Variants in CNBD1 observed in about 807,000 individuals in gnomAD.
CNBD1 encodes cyclic nucleotide-binding domain-containing protein 1.
A neutral mutation model predicts 54.4 loss-of-function variants in CNBD1; 71 were observed. The observed-to-expected ratio is 1.30, with a 90% CI of 1.08 to 1.59. The LOEUF (loss-of-function observed/expected upper bound fraction) is 1.59, where lower values mean the gene tolerates loss of function less well. Among genes scored for constraint, CNBD1 ranks in the 40% most tolerant of loss-of-function variants. CNBD1 has a pLI of 0.00. For missense variants in CNBD1, 659 were observed against 518.0 expected, an observed-to-expected ratio of 1.27 and a Z score of -2.64; for synonymous variants, 182 against 170.7, an observed-to-expected ratio of 1.07 and a Z score of -0.51.
At chr8:87,379,065 G>T (rs1022135337) in intron 10 of CNBD1, among the ~76,000 whole-genome samples, 2 of 150,876 alleles carry the variant, frequency 1.3e-5, no homozygotes, top group Non-Finnish European at 2.9e-5. Flanking sequence ...CTGAGACAAT[G>T]GGGTTTTCTA....
intron 4 of CNBD1, among the ~76,000 whole-genome samples, chr8:87,198,317 A>G (rs1381736080): frequency 6.6e-6 from 1 of 152,198 alleles, no homozygotes; most frequent in East Asian, 1.9e-4. Flanking sequence ...CTTATCTACC[A>G]GCTCCATGGA....
At position 86,927,875 on chromosome 8, in the gene CNBD1, A is replaced by T. The variant is rs146921940; in HGVS notation, c.273-11721A>T. 2.7e-3 allele frequency among the ~76,000 whole-genome samples: 418 copies of T among 152,214 alleles called. 5 individuals carry two copies. Among genetic ancestry groups the T allele is most frequent in the African/African-American group, 9.7e-3 (403 of 41,532 alleles). On this transcript the variant is annotated intron_variant, in intron 3 of 10. Transcript: ENST00000518476. ...AATAGGAGACGTAAGTCCTCCAATA[A>T]TTCACAGGTGTATCGAGGCTGGTCT...
At chr8:87,388,419 A>C (rs1158482327) in intron 2 of CNBD1, among the ~76,000 whole-genome samples, 1 of 152,166 alleles carries the variant, frequency 6.6e-6, no homozygotes, top group Non-Finnish European at 1.5e-5. Context: ...TAAAGGGGAT[A>C]TCACCACCGA....
At chr8:86,998,806 C>CTAGTT (rs1400741267) in intron 4 of CNBD1, among the ~76,000 whole-genome samples, 1 of 152,170 alleles carries the variant, frequency 6.6e-6, no homozygotes, top group Non-Finnish European at 1.5e-5. Flanking sequence ...TGTGTCCCAT[C>CTAGTT]TAGTTTTTAT....
chr8:87,426,447 A>G (rs367670589), intron 2 of CNBD1, among the ~76,000 whole-genome samples: 54 of 152,338 alleles, frequency 3.5e-4, no homozygotes, highest in African/African-American at 9.9e-4. Context: ...TTATGACAAA[A>G]TGATGTTCCT....
chr8:87,302,931 G>C (rs1164440154), intron 8 of CNBD1, among the ~76,000 whole-genome samples: 4 of 150,254 alleles, frequency 2.7e-5, no homozygotes, highest in African/African-American at 9.8e-5. Flanking sequence ...ACTTACAAGG[G>C]ATGTGAAGGA....
chr8:87,339,848 A>C (rs904394753), intron 8 of CNBD1, among the ~76,000 whole-genome samples: 1 of 152,256 alleles, frequency 6.6e-6, no homozygotes, highest in South Asian at 2.1e-4. Context: ...TTTATTTATT[A>C]ACGTATTTCT....
intron 10 of CNBD1, among the ~76,000 whole-genome samples, chr8:87,362,364 C>G (rs1810538973): frequency 6.6e-6 from 1 of 152,068 alleles, no homozygotes; most frequent in African/African-American, 2.4e-5. Flanking sequence ...ATGTGTTTAT[C>G]CAAGTTCAGG....
intron 8 of CNBD1, among the ~76,000 whole-genome samples, chr8:87,342,849 C>A (rs1346978672): frequency 6.6e-6 from 1 of 152,142 alleles, no homozygotes; most frequent in Non-Finnish European, 1.5e-5. Flanking sequence ...TCCCACTGTG[C>A]ACGCATTGTC....
At chr8:87,219,114 A>G (rs2130807291) in intron 5 of CNBD1, among the ~76,000 whole-genome samples, 1 of 152,190 alleles carries the variant, frequency 6.6e-6, no homozygotes, top group South Asian at 2.1e-4. Flanking sequence ...ATATTTTTAA[A>G]TCTGACTTCA....
chr8:86,994,599 C>A (rs1256732520), intron 4 of CNBD1, among the ~76,000 whole-genome samples: 2 of 152,208 alleles, frequency 1.3e-5, no homozygotes, highest in Non-Finnish European at 2.9e-5. Context: ...TCCCCATGGT[C>A]CACAGCAAGA....
intron 2 of CNBD1, among the ~76,000 whole-genome samples, chr8:87,398,456 T>A (rs1811446741): frequency 6.6e-6 from 1 of 151,958 alleles, no homozygotes; most frequent in Admixed American, 6.6e-5. Flanking sequence ...ACATTTGCTG[T>A]GTGTGTGCCT....
intron 4 of CNBD1, among the ~76,000 whole-genome samples, chr8:87,126,163 G>T (rs1811986187): frequency 6.6e-6 from 1 of 151,944 alleles, no homozygotes; most frequent in African/African-American, 2.4e-5. Flanking sequence ...TTAAAGACAT[G>T]TGCTTTCATT....
At chr8:87,173,510 GTCTT>G (rs756165357) in intron 4 of CNBD1, among the ~76,000 whole-genome samples, 1 of 152,102 alleles carries the variant, frequency 6.6e-6, no homozygotes, top group Non-Finnish European at 1.5e-5. Context: ...GCGTGAGAAA[GTCTT>G]TATTTCTCTG....
intron 4 of CNBD1, among the ~76,000 whole-genome samples, chr8:87,126,615 A>G (rs1811994495): frequency 6.6e-6 from 1 of 152,136 alleles, no homozygotes; most frequent in African/African-American, 2.4e-5. Context: ...TTCTCTAAAT[A>G]CAATCATTTT....
At chr8:87,034,211 A>G (rs1809857041) in intron 4 of CNBD1, among the ~76,000 whole-genome samples, 1 of 152,216 alleles carries the variant, frequency 6.6e-6, no homozygotes, top group African/African-American at 2.4e-5. Flanking sequence ...TCAACTTTTA[A>G]TTGTAATAAT....
At chr8:87,002,807 C>T (rs1809020362) in intron 4 of CNBD1, among the ~76,000 whole-genome samples, 1 of 152,010 alleles carries the variant, frequency 6.6e-6, no homozygotes, top group Non-Finnish European at 1.5e-5. Flanking sequence ...TCTTGTTTAT[C>T]TGTCTCCTCT....
chr8:87,223,141 A>G (rs897917420), intron 5 of CNBD1, among the ~76,000 whole-genome samples: 1 of 150,926 alleles, frequency 6.6e-6, no homozygotes, highest in African/African-American at 2.4e-5. Context: ...ACCAGTTTCA[A>G]TAGCCATCAA....
intron 2 of CNBD1, among the ~76,000 whole-genome samples, chr8:87,419,045 A>G (rs910753073): frequency 1.3e-5 from 2 of 151,926 alleles, no homozygotes; most frequent in Admixed American, 6.6e-5. Flanking sequence ...CAAAGTGTAA[A>G]CAACCTGAAT....
Sources: allele counts gnomAD v4.1 joint callset (sites outside exome capture counted in the v4.1 genomes callset), GRCh38; gene constraint gnomAD v4.1.1; transcripts MANE v1.5; gene names NCBI Gene and HGNC (gene_info 2026-07-23, HGNC 2026-07-21).